Variants in GLDC observed in about 807,000 individuals in gnomAD.
GLDC encodes glycine dehydrogenase (decarboxylating), mitochondrial.
In GLDC, 104 loss-of-function variants were observed where a neutral mutation model predicts 121.3. The observed-to-expected ratio is 0.86, with a 90% CI of 0.73 to 1.01. The LOEUF is 1.01. GLDC is among the 50% of genes least tolerant of loss of function. The pLI is 0.00. For synonymous variants in GLDC, 546 were observed against 480.6 expected (o/e 1.14, Z -1.78); for missense variants, 1,429 against 1,306.6 (o/e 1.09, Z -1.44).
chr9:6,597,568 T>C (rs191593164), intron 8 of GLDC, among the ~76,000 whole-genome samples: 1 of 151,966 alleles, frequency 6.6e-6, no homozygotes, highest in African/African-American at 2.4e-5. Flanking sequence ...CCCATCTCTA[T>C]TTTAAAAAGA....
intron 12 of GLDC, 127 bp downstream of exon 12, chr9:6,589,068 T>C (rs1028551484): frequency 1.1e-5 from 8 of 752,906 alleles, no homozygotes; most frequent in African/African-American, 8.5e-5. Context: ...GAGGATGAAA[T>C]ACTTGGGAGC....
At chr9:6,622,034 A>G (rs1298654679) in intron 2 of GLDC, among the ~76,000 whole-genome samples, 2 of 152,142 alleles carry the variant, frequency 1.3e-5, no homozygotes, top group Non-Finnish European at 2.9e-5. Flanking sequence ...AGCAAAACCT[A>G]AGACAGCAAA....
chr9:6,563,704 C>T (rs1208202499), intron 16 of GLDC, among the ~76,000 whole-genome samples: 1 of 152,224 alleles, frequency 6.6e-6, no homozygotes, highest in Non-Finnish European at 1.5e-5. Flanking sequence ...CACGAATGAA[C>T]AAACTGTGGG....
Position 6,554,795 on chromosome 9 carries a change from A to G in GLDC, c.2203-14T>C, listed in dbSNP as rs1165843546. On this transcript the variant is annotated splice_polypyrimidine_tract_variant and intron_variant, in intron 18 of 24. Transcript: ENST00000321612. Reference sequence around the variant, plus strand: ...ACAGATTCCCACCTACCACAAAGGCAAGGGCCAAAAGCAAAAGTCAAGAGC... The same window carrying G: ...ACAGATTCCCACCTACCACAAAGGCGAGGGCCAAAAGCAAAAGTCAAGAGC... 6.3e-7 allele frequency: 1 copy of G among 1,595,870 alleles called. No homozygotes were observed. Among genetic ancestry groups the G allele is most frequent in the East Asian group, 2.2e-5 (1 of 44,758 alleles).
At chr9:6,581,191 C>T (rs924044017) in intron 15 of GLDC, among the ~76,000 whole-genome samples, 8 of 152,180 alleles carry the variant, frequency 5.3e-5, no homozygotes, top group Non-Finnish European at 8.8e-5. Flanking sequence ...TCCCGGGCAA[C>T]GAAGGAGCAG....
At chr9:6,567,135 T>C (rs890357065) in intron 15 of GLDC, 1 of 137,012 alleles carries the variant, frequency 7.3e-6, no homozygotes, top group African/African-American at 2.7e-5. Context: ...AAATAAAAAA[T>C]AAAAAAAAAA....
At chr9:6,542,689 C>T (rs1438823304) in intron 21 of GLDC, among the ~76,000 whole-genome samples, 2 of 151,758 alleles carry the variant, frequency 1.3e-5, no homozygotes, top group Non-Finnish European at 2.9e-5. Context: ...AGTTTGAGAC[C>T]AGCCTGGGCA....
chr9:6,606,800 C>T (rs368071531), intron 4 of GLDC, 131 bp from the exon 5 acceptor site: 71 of 708,220 alleles, frequency 1.0e-4, no homozygotes, highest in African/African-American at 7.9e-4. Flanking sequence ...AGGCCGGGTG[C>T]GGTGGCTCAC....
chr9:6,595,215 A>G, intron 8 of GLDC, 96 bp from the exon 9 acceptor site: 1 of 840,682 alleles, frequency 1.2e-6, no homozygotes, highest in Non-Finnish European at 2.1e-6. Context: ...GAAGACAGCG[A>G]CAAAACAAAA....
intron 2 of GLDC, among the ~76,000 whole-genome samples, chr9:6,624,805 T>G (rs946378996): frequency 7.2e-5 from 11 of 152,028 alleles, no homozygotes; most frequent in African/African-American, 2.4e-4. Context: ...CTGGCCAACA[T>G]GGTGAAACCC....
intron 19 of GLDC, 113 bp downstream of exon 19, chr9:6,554,556 C>T: frequency 1.2e-6 from 1 of 804,478 alleles, no homozygotes; most frequent in Non-Finnish European, 2.1e-6. Context: ...GTGCACTACA[C>T]CGATGAGGGT....
intron 2 of GLDC, among the ~76,000 whole-genome samples, chr9:6,624,374 T>C (rs1339738980): frequency 3.3e-5 from 5 of 152,098 alleles, no homozygotes; most frequent in Admixed American, 2.6e-4. Context: ...AAGAGCAAAA[T>C]TGGGACACAC....
intron 15 of GLDC, among the ~76,000 whole-genome samples, chr9:6,582,019 A>C (rs1213274389): frequency 6.6e-6 from 1 of 151,534 alleles, no homozygotes; most frequent in Non-Finnish European, 1.5e-5. Flanking sequence ...GTTTGAGACC[A>C]GCCTGGCCAA....
rs774499942 is a variant in GLDC at position 6,604,578 on chromosome 9, G to C, written c.1058+10C>G. 1 of 1,603,600 alleles carries C rather than the reference G, an allele frequency of 6.2e-7. No homozygotes were observed. Among genetic ancestry groups the C allele is most frequent in the Non-Finnish European group, 8.5e-7 (1 of 1,172,192 alleles). On this transcript the variant is annotated intron_variant, in intron 7 of 24. Transcript: ENST00000321612. ...TCACAATAAAAGTAGAGAAACATGA[G>C]CCCCTTTACCTTGTTACCCCCACCA...
chr9:6,540,233 G>C, intron 21 of GLDC, 87 bp from the exon 22 acceptor site: 1 of 890,468 alleles, frequency 1.1e-6, no homozygotes, highest in Non-Finnish European at 1.9e-6. Context: ...ATAAATAAGT[G>C]CATCAGCTTT....
intron 2 of GLDC, among the ~76,000 whole-genome samples, chr9:6,635,638 C>A (rs1415147544): frequency 2.6e-4 from 39 of 151,970 alleles, no homozygotes; most frequent in Non-Finnish European, 1.2e-4. Context: ...GTTGGCAGAC[C>A]AAAATGAGAG....
chr9:6,568,159 T>C (rs1554644904), intron 15 of GLDC, among the ~76,000 whole-genome samples: 1 of 152,228 alleles, frequency 6.6e-6, no homozygotes, highest in Non-Finnish European at 1.5e-5. Context: ...AGAAAGACTA[T>C]ATGCTAAAGA....
At position 6,641,984 on chromosome 9, in the gene GLDC, T is replaced by A. The variant is rs577787542; in HGVS notation, c.334+2630A>T. 2.7e-3 allele frequency among the ~76,000 whole-genome samples: 404 copies of A among 152,258 alleles called. 1 individual carries two copies. Among genetic ancestry groups the A allele is most frequent in the African/African-American group, 9.3e-3 (388 of 41,546 alleles). ...TACTACCAGAGCTTACATGCACCAA[T>A]TTGCTCTCCCCACCTGGAGAATATT... On this transcript the variant is annotated intron_variant, in intron 2 of 24. Coordinates refer to ENST00000321612, the MANE Select transcript of GLDC (RefSeq NM_000170.3).
rs1331862074 is a variant in GLDC, at chr9:6,587,127, A to G, written c.1850+14T>C. The G allele has an allele frequency of 2.5e-6, 4 of 1,608,260 alleles. No homozygotes were observed. The highest frequency in any genetic ancestry group is 3.4e-6 in the Non-Finnish European group (4 of 1,175,790). ...AATAGATTGCTGAAACAATAAGAAA[A>G]GAAATGCCCTTACCTGTTTGGCTGG... On this transcript the variant is annotated intron_variant, in intron 15 of 24. Transcript: ENST00000321612.
Sources: allele counts gnomAD v4.1 joint callset (sites outside exome capture counted in the v4.1 genomes callset), GRCh38; gene constraint gnomAD v4.1.1; transcripts MANE v1.5; gene names NCBI Gene and HGNC (gene_info 2026-07-23, HGNC 2026-07-21).